Variants in TBC1D14 observed in about 807,000 individuals in gnomAD.
The protein encoded by TBC1D14 is TBC1 domain family member 14, also known as TBC1 domain family, member 14.
TBC1D14 carries 26 observed loss-of-function variants against 79.0 expected under a neutral mutation model. That is an observed-to-expected ratio of 0.33 (90% CI 0.24 to 0.46). The LOEUF (loss-of-function observed/expected upper bound fraction) is 0.46. Ranked by LOEUF, TBC1D14 falls within the 20% of genes least tolerant of loss-of-function variation. The pLI is 1.00. For synonymous variants in TBC1D14, 394 were observed against 349.9 expected (o/e 1.13, Z -1.40); for missense variants, 769 against 887.6 (o/e 0.87, Z 1.70).
At chr4:6,969,092 T>C (rs987780200) in intron 3 of TBC1D14, among the ~76,000 whole-genome samples, 5 of 152,240 alleles carry the variant, frequency 3.3e-5, no homozygotes, top group Non-Finnish European at 7.3e-5. Flanking sequence ...TGCCATTCTC[T>C]GCTGTAATCA....
chr4:6,922,212 C>T (rs1236969592), intron 1 of TBC1D14, among the ~76,000 whole-genome samples: 1 of 152,112 alleles, frequency 6.6e-6, no homozygotes, highest in African/African-American at 2.4e-5. Flanking sequence ...TGCCACCACC[C>T]CCAGTTGATT....
chr4:6,965,964 C>T (rs1342063608), intron 2 of TBC1D14, among the ~76,000 whole-genome samples: 1 of 152,204 alleles, frequency 6.6e-6, no homozygotes, highest in Non-Finnish European at 1.5e-5. Context: ...TGAGCTTTCC[C>T]CACTGGTGTA....
At chr4:6,938,934 GGTT>G (rs992952759) in intron 2 of TBC1D14, among the ~76,000 whole-genome samples, 2 of 151,766 alleles carry the variant, frequency 1.3e-5, no homozygotes, top group Non-Finnish European at 2.9e-5. Flanking sequence ...GTGGAGATCT[GGTT>G]GTGCAGTAGT....
At chr4:6,968,856 A>T (rs1299085917) in intron 3 of TBC1D14, among the ~76,000 whole-genome samples, 1 of 152,226 alleles carries the variant, frequency 6.6e-6, no homozygotes, top group Non-Finnish European at 1.5e-5. Flanking sequence ...CAGCCCAGGC[A>T]AGAGAAAGTG....
chr4:6,910,477 C>G (rs974902128), intron 1 of TBC1D14: 1 of 152,548 alleles, frequency 6.6e-6, no homozygotes, highest in African/African-American at 2.4e-5. Context: ...TGGACCTCCA[C>G]CCACGCGAAC....
Position 7,001,271 on chromosome 4 carries a change from C to G in TBC1D14, c.1270+20C>G. ...CCCACGGTGAGTGGCCTGCATGATC[C>G]TGGGGAGTCCACCTCCAGGCCCTTT... On this transcript the variant is annotated intron_variant, in intron 7 of 13. Transcript: ENST00000409757. 3 of 1,600,240 alleles carry G rather than the reference C, an allele frequency of 1.9e-6. No homozygotes were observed. The highest frequency in any genetic ancestry group is 2.6e-6 in the Non-Finnish European group (3 of 1,168,224).
chr4:6,983,450 C>G (rs944249169), intron 3 of TBC1D14, among the ~76,000 whole-genome samples: 2 of 152,012 alleles, frequency 1.3e-5, no homozygotes, highest in Non-Finnish European at 2.9e-5. Flanking sequence ...TTCTAGTGGC[C>G]AGAGCAGAGG....
At chr4:7,005,800 T>C (rs1287909148) in intron 8 of TBC1D14, among the ~76,000 whole-genome samples, 1 of 152,168 alleles carries the variant, frequency 6.6e-6, no homozygotes, top group African/African-American at 2.4e-5. Flanking sequence ...TTAAAGTTGT[T>C]CATGTGACTT....
chr4:6,974,362 G>C (rs1221959856), intron 3 of TBC1D14, among the ~76,000 whole-genome samples: 1 of 152,174 alleles, frequency 6.6e-6, no homozygotes, highest in African/African-American at 2.4e-5. Flanking sequence ...CGTGTGGCTA[G>C]AGAACCAGAA....
chr4:7,030,534 A>G lies in TBC1D14; in HGVS notation c.*142A>G. On this transcript the variant is annotated 3_prime_UTR_variant, in exon 14 of 14. Transcript: ENST00000409757. ...CTAACACTGGAGTTGGCCTTAAACA[A>G]AACAAACACAAAAACTTTTAAAGAA... is the stretch of plus-strand genomic sequence containing the variant. 1.3e-6 allele frequency: 1 copy of G among 776,218 alleles called. No individual in the cohort carries two copies. Among genetic ancestry groups the G allele is most frequent in the South Asian group, 1.7e-5 (1 of 59,530 alleles). The allele number at this position is 776,218 out of a possible 1,614,324, so 48.1% of individuals were successfully genotyped here. A position where few individuals can be genotyped will look rare whatever the true frequency, so the allele number is the denominator to read the frequency against.
At chr4:6,912,828 T>C (rs1723112793) in intron 1 of TBC1D14, among the ~76,000 whole-genome samples, 1 of 152,162 alleles carries the variant, frequency 6.6e-6, no homozygotes, top group South Asian at 2.1e-4. Context: ...CTGTCTTCAT[T>C]TTGCTGCAAG....
intron 1 of TBC1D14, among the ~76,000 whole-genome samples, chr4:6,918,742 G>GTGT (rs2108908339): frequency 6.6e-6 from 1 of 152,308 alleles, no homozygotes; most frequent in South Asian, 2.1e-4. Flanking sequence ...ATCTGCTGGA[G>GTGT]TGTTGATGAT....
At chr4:6,959,732 T>G (rs1386766687) in intron 2 of TBC1D14, among the ~76,000 whole-genome samples, 2 of 152,216 alleles carry the variant, frequency 1.3e-5, no homozygotes, top group African/African-American at 4.8e-5. Flanking sequence ...GGCCTTGTTT[T>G]TTGGTACCAG....
At chr4:7,017,145 C>T (rs979270787) in intron 12 of TBC1D14, among the ~76,000 whole-genome samples, 1 of 152,116 alleles carries the variant, frequency 6.6e-6, no homozygotes, top group Non-Finnish European at 1.5e-5. Context: ...TACTAAAATA[C>T]AAAAATTGGC....
intron 12 of TBC1D14, among the ~76,000 whole-genome samples, chr4:7,018,143 C>T (rs1721460623): frequency 6.6e-6 from 1 of 152,166 alleles, no homozygotes; most frequent in African/African-American, 2.4e-5. Flanking sequence ...TACATCAGAC[C>T]ACCTTTCCCA....
Position 6,951,301 on chromosome 4 carries a change from AAACAACAAC to A in TBC1D14, c.723-15989_723-15981del, listed in dbSNP as rs574050167. Among the ~76,000 whole-genome samples the A allele has an allele frequency of 2.6e-5, 4 of 152,128 alleles. No individual in the cohort carries two copies. The South Asian group carries it at 6.2e-4, about 24-fold the overall frequency. ...AGCAAGACTGCATCTCAAAAAAAAT[AAACAACAAC>A]AACAACAACAACATAAAAAACCCTC... On this transcript the variant is annotated intron_variant, in intron 2 of 13. Coordinates refer to ENST00000409757, the MANE Select transcript of TBC1D14 (RefSeq NM_020773.3).
At position 6,978,650 on chromosome 4, in the gene TBC1D14, C is replaced by G. The variant is rs1276331451; in HGVS notation, c.843+11226C>G. ...CATAGGAAAACCAGAGACCTTTGTT[C>G]ACTTGTTTATCTGCTGACCTTCCCT... is the stretch of plus-strand genomic sequence containing the variant. On this transcript the variant is annotated intron_variant, in intron 3 of 13. Coordinates refer to ENST00000409757, the MANE Select transcript of TBC1D14 (RefSeq NM_020773.3). 2.7e-5 allele frequency among the ~76,000 whole-genome samples: 4 copies of G among 147,624 alleles called. 1 individual carries two copies. The highest frequency in any genetic ancestry group is 1.0e-4 in the African/African-American group (4 of 38,700).
chr4:6,999,670 C>T (rs1198780641), intron 6 of TBC1D14, among the ~76,000 whole-genome samples: 2 of 152,096 alleles, frequency 1.3e-5, no homozygotes, highest in East Asian at 1.9e-4. Context: ...GGCCCTGTGT[C>T]TGGAGTGCTC....
At chr4:6,993,485 T>C (rs1411064701) in intron 3 of TBC1D14, among the ~76,000 whole-genome samples, 2 of 152,136 alleles carry the variant, frequency 1.3e-5, no homozygotes, top group African/African-American at 4.8e-5. Flanking sequence ...ACTATTTACA[T>C]AACAATTTGC....
Sources: gnomAD v4.1 joint callset for allele counts (sites outside exome capture counted in the v4.1 genomes callset) on GRCh38, gnomAD v4.1.1 for gene constraint, MANE v1.5 for transcripts, NCBI Gene and HGNC (gene_info 2026-07-23, HGNC 2026-07-21) for gene names.